ERP29: variants seen among roughly 807,000 people sequenced by gnomAD.
ERP29 encodes the protein endoplasmic reticulum protein 29, also known as endoplasmic reticulum resident protein 29.
ERP29 carries 14 observed loss-of-function variants against 21.7 expected under a neutral mutation model. That is an observed-to-expected ratio of 0.64 (90% confidence interval 0.43 to 1.01). ERP29 has a LOEUF of 1.01. Ranked by LOEUF, ERP29 falls within the 50% of genes least tolerant of loss-of-function variation. ERP29 has a pLI of 0.00. For missense variants in ERP29, 286 were observed against 327.3 expected, an observed-to-expected ratio of 0.87 and a Z score of 0.97; for synonymous variants, 129 against 139.1, an observed-to-expected ratio of 0.93 and a Z score of 0.51.
chr12:112,013,497 T>C lies in ERP29; in HGVS notation c.32T>C (p.Leu11Pro). MAAAVPRAAFLSPLLPLLLGF... is the reference protein window; with the variant it reads MAAAVPRAAFPSPLLPLLLGF... ...GCCGCTGTGCCCCGCGCCGCATTTCTCTCCCCGCTGCTTCCCCTTCTCCTG... is the reference window on the plus strand; with the variant it reads ...GCCGCTGTGCCCCGCGCCGCATTTCCCTCCCCGCTGCTTCCCCTTCTCCTG... The change falls in exon 1 of 3, where the codon CTC becomes CCC. Residue 11 changes from leucine to proline, a missense_variant. Leu to Pro is a moderately conservative substitution (Grantham distance 98). Coordinates refer to ENST00000261735, the MANE Select transcript of ERP29 (RefSeq NM_006817.4). 6.2e-7 allele frequency: 1 copy of C among 1,612,616 alleles called. No homozygotes were observed.
chr12:112,021,592 C>T (rs764872847), intron 2 of ERP29, among the ~76,000 whole-genome samples: 6 of 131,400 alleles, frequency 4.6e-5, no homozygotes, highest in African/African-American at 1.2e-4. Flanking sequence ...GGTGGGATCT[C>T]GGATCACTGC....
chr12:112,022,700 G>C lies in ERP29; in HGVS notation c.*48G>C. ...GGGTTTGGTGGGGGTAGGGAGGGGAGAGTTAACCTGCTGGCTGTGAGTCCC... is the reference window on the plus strand; with the variant it reads ...GGGTTTGGTGGGGGTAGGGAGGGGACAGTTAACCTGCTGGCTGTGAGTCCC... On this transcript the variant is annotated 3_prime_UTR_variant, in exon 3 of 3. Coordinates refer to ENST00000261735, the MANE Select transcript of ERP29 (RefSeq NM_006817.4). The C allele has an allele frequency of 6.5e-7, 1 of 1,539,896 alleles. No individual in the cohort carries two copies.
At chr12:112,015,546 A>G (rs2136776303) in intron 1 of ERP29, among the ~76,000 whole-genome samples, 1 of 151,396 alleles carries the variant, frequency 6.6e-6, no homozygotes, top group Non-Finnish European at 1.5e-5. Context: ...GCTCAGACAC[A>G]CCCTACAGCA....
chr12:112,022,398 C>A lies in ERP29; in HGVS notation c.532C>A (p.Gln178Lys). 1 of 1,614,196 alleles carries A rather than the reference C, an allele frequency of 6.2e-7. No individual in the cohort carries two copies. Among genetic ancestry groups the A allele is most frequent in the Admixed American group, 1.7e-5 (1 of 60,028 alleles). Residue 178 changes from glutamine (Q) to lysine (K), a missense_variant, in exon 3 of 3, where the codon CAG becomes AAG. By Grantham distance (53) the Gln-to-Lys change is moderately conservative. Coordinates refer to ENST00000261735, the MANE Select transcript of ERP29 (RefSeq NM_006817.4). ...FIRASGVEARQALLKQGQDNL... is the reference protein window; with the variant it reads ...FIRASGVEARKALLKQGQDNL... ...CAGGGCCTCTGGTGTGGAGGCCCGC[C>A]AGGCCCTCTTGAAGCAGGGGCAAGA... is the stretch of plus-strand genomic sequence containing the variant.
At chr12:112,013,821 G>A (rs2077966446) in intron 1 of ERP29, among the ~76,000 whole-genome samples, 1 of 152,268 alleles carries the variant, frequency 6.6e-6, no homozygotes, top group South Asian at 2.1e-4. Flanking sequence ...GCGCACCCTT[G>A]CTTTTGCAGC....
chr12:112,016,718 G>T (rs932418939), intron 1 of ERP29, among the ~76,000 whole-genome samples: 9 of 152,062 alleles, frequency 5.9e-5, no homozygotes, highest in African/African-American at 1.9e-4. Context: ...GTGAAACCCT[G>T]TCTCTACTAA....
chr12:112,014,223 C>T (rs1410907846), intron 1 of ERP29, among the ~76,000 whole-genome samples: 1 of 152,242 alleles, frequency 6.6e-6, no homozygotes, highest in Non-Finnish European at 1.5e-5. Context: ...AACCGGGCCG[C>T]ACAGCAGGAG....
intron 2 of ERP29, among the ~76,000 whole-genome samples, chr12:112,021,826 G>A (rs763780953): frequency 3.5e-4 from 53 of 152,018 alleles, no homozygotes; most frequent in Admixed American, 1.6e-3. Flanking sequence ...GCACCCGTCC[G>A]AGCTTAATAC....
intron 2 of ERP29, 80 bp downstream of exon 2, chr12:112,019,974 C>T (rs373810092): frequency 1.3e-6 from 2 of 1,537,726 alleles, no homozygotes; most frequent in African/African-American, 2.7e-5. Flanking sequence ...ACAGGAATAC[C>T]CAGCATCTTT....
At chr12:112,021,970 T>G (rs191619779) in intron 2 of ERP29, among the ~76,000 whole-genome samples, 180 bp from the exon 3 acceptor site, 1 of 152,368 alleles carries the variant, frequency 6.6e-6, no homozygotes, top group Admixed American at 6.5e-5. Context: ...TGCCTAGTGC[T>G]GCATGGCTAG....
At chr12:112,016,618 A>G (rs943624276) in intron 1 of ERP29, among the ~76,000 whole-genome samples, 3 of 152,226 alleles carry the variant, frequency 2.0e-5, no homozygotes, top group African/African-American at 7.2e-5. Context: ...TAGACTTCTA[A>G]AGCTATCATT....
At chr12:112,015,041 G>C (rs1235249888) in intron 1 of ERP29, 3 of 151,814 alleles carry the variant, frequency 2.0e-5, no homozygotes, top group Non-Finnish European at 4.4e-5. Context: ...AAAATTAGCT[G>C]GGCGTGGTGG....
intron 1 of ERP29, among the ~76,000 whole-genome samples, chr12:112,016,220 G>A (rs1051987562): frequency 6.6e-6 from 1 of 152,250 alleles, no homozygotes; most frequent in African/African-American, 2.4e-5. Flanking sequence ...TTGCGTGAAT[G>A]AACAAACGTT....
At chr12:112,021,981 G>A (rs1215453986) in intron 2 of ERP29, among the ~76,000 whole-genome samples, 169 bp from the exon 3 acceptor site, 1 of 152,190 alleles carries the variant, frequency 6.6e-6, no homozygotes, top group Non-Finnish European at 1.5e-5. Flanking sequence ...GCATGGCTAG[G>A]AAGTGGCAGA....
intron 2 of ERP29, among the ~76,000 whole-genome samples, chr12:112,020,239 TAGTC>T (rs1219645732): frequency 6.6e-6 from 1 of 152,160 alleles, no homozygotes; most frequent in Non-Finnish European, 1.5e-5. Flanking sequence ...GGGGACAGCA[TAGTC>T]AGTTCTTCTG....
chr12:112,013,816 C>G (rs1162878411), intron 1 of ERP29, among the ~76,000 whole-genome samples: 1 of 152,274 alleles, frequency 6.6e-6, no homozygotes, highest in Non-Finnish European at 1.5e-5. Flanking sequence ...CCCCGGCGCA[C>G]CCTTGCTTTT....
intron 1 of ERP29, among the ~76,000 whole-genome samples, chr12:112,016,278 A>G (rs553813846): frequency 8.5e-5 from 13 of 152,218 alleles, no homozygotes; most frequent in Admixed American, 3.3e-4. Context: ...ACTGAACCAA[A>G]AGGAAATGTA....
intron 1 of ERP29, among the ~76,000 whole-genome samples, chr12:112,015,640 A>G (rs1164312532): frequency 6.6e-6 from 1 of 152,148 alleles, no homozygotes; most frequent in Admixed American, 6.5e-5. Context: ...TCACAGAACA[A>G]GTGTGACCCA....
chr12:112,013,672 G>A (rs560277458), intron 1 of ERP29, 63 bp downstream of exon 1: 27 of 1,457,148 alleles, frequency 1.9e-5, no homozygotes, highest in Admixed American at 2.7e-5. Flanking sequence ...GCGCGCGCCC[G>A]TGGGGAGACG....
Sources: allele counts gnomAD v4.1 joint callset (sites outside exome capture counted in the v4.1 genomes callset), GRCh38; gene constraint gnomAD v4.1.1; transcripts MANE v1.5; gene names NCBI Gene and HGNC (gene_info 2026-07-23, HGNC 2026-07-21).